PCDHA7: variants seen among roughly 807,000 people sequenced by gnomAD.
The protein encoded by PCDHA7 is protocadherin alpha 7, also known as protocadherin alpha-7.
In PCDHA7, 37 loss-of-function variants were observed where a neutral mutation model predicts 57.2. The ratio of observed to expected loss-of-function variants is 0.65; its 90% CI spans 0.50 to 0.85. PCDHA7 has a LOEUF of 0.85. Ranked by LOEUF, PCDHA7 falls within the 40% of genes least tolerant of loss-of-function variation. PCDHA7 has a pLI of 0.00. For synonymous variants in PCDHA7, 553 were observed against 558.8 expected (o/e 0.99, Z 0.15); for missense variants, 1,188 against 1,241.8 (o/e 0.96, Z 0.65).
intron 1 of PCDHA7, among the ~76,000 whole-genome samples, chr5:140,945,495 C>A (rs1585197828): frequency 6.6e-6 from 1 of 152,022 alleles, no homozygotes; most frequent in East Asian, 1.9e-4. Context: ...ATACCCAAAG[C>A]AATATTGAGC....
At chr5:140,985,739 CTTTTTTTTTT>C (rs11372071) in intron 3 of PCDHA7, among the ~76,000 whole-genome samples, 1 of 117,922 alleles carries the variant, frequency 8.5e-6, no homozygotes, top group African/African-American at 3.2e-5. Context: ...TGATGAATTC[CTTTTTTTTTT>C]TTTTTTTTTT....
At chr5:140,871,289 G>A (rs955449203) in intron 1 of PCDHA7, 1 of 1,613,792 alleles carries the variant, frequency 6.2e-7, no homozygotes, top group African/African-American at 1.3e-5. Context: ...CCCACTGAGG[G>A]CGCGTGCGCG....
At chr5:140,920,616 C>A (rs929240808) in intron 1 of PCDHA7, among the ~76,000 whole-genome samples, 1 of 152,012 alleles carries the variant, frequency 6.6e-6, no homozygotes, top group African/African-American at 2.4e-5. Flanking sequence ...GAGGCCGAGG[C>A]GGATGGATCA....
chr5:140,895,838 TCTCA>T (rs1554186667), intron 1 of PCDHA7, among the ~76,000 whole-genome samples: 2 of 152,136 alleles, frequency 1.3e-5, no homozygotes, highest in Admixed American at 1.3e-4. Context: ...TCAGACAAAG[TCTCA>T]CTCTTGTACC....
chr5:140,969,372 T>G, intron 1 of PCDHA7: 1 of 1,606,704 alleles, frequency 6.2e-7, no homozygotes, highest in Non-Finnish European at 8.5e-7. Context: ...ACTCATGCAT[T>G]TGTTACACAT....
At chr5:140,919,816 A>T (rs542185810) in intron 1 of PCDHA7, among the ~76,000 whole-genome samples, 22 of 152,358 alleles carry the variant, frequency 1.4e-4, no homozygotes, top group African/African-American at 5.3e-4. Flanking sequence ...GGCCTCAAAA[A>T]TATATGTCCA....
intron 3 of PCDHA7, 22 bp downstream of exon 3, chr5:140,982,585 ATTCT>A: frequency 6.2e-7 from 1 of 1,611,974 alleles, no homozygotes; most frequent in Non-Finnish European, 8.5e-7. Flanking sequence ...GGGTCTCTCC[ATTCT>A]TTCTTGGTTT....
chr5:140,935,765 A>G (rs1554210670), intron 1 of PCDHA7, among the ~76,000 whole-genome samples: 1 of 152,080 alleles, frequency 6.6e-6, no homozygotes, highest in Non-Finnish European at 1.5e-5. Flanking sequence ...ATTCTTCCCC[A>G]CTTTGAGTTT....
intron 1 of PCDHA7, among the ~76,000 whole-genome samples, chr5:140,946,711 T>C (rs1165441185): frequency 1.3e-5 from 2 of 150,618 alleles, no homozygotes; most frequent in African/African-American, 2.5e-5. Context: ...GAGGTCATTA[T>C]GTTTAGTTAA....
intron 1 of PCDHA7, chr5:140,862,442 C>A: frequency 2.8e-6 from 1 of 361,562 alleles, no homozygotes. Flanking sequence ...CGTTGGTACT[C>A]CACAGCGCCC....
intron 1 of PCDHA7, chr5:140,876,109 A>T: frequency 6.2e-7 from 1 of 1,613,946 alleles, no homozygotes; most frequent in Non-Finnish European, 8.5e-7. Context: ...TTTATTGCTG[A>T]TGGTAATCGA....
intron 1 of PCDHA7, chr5:140,928,716 C>T (rs555492959): frequency 3.1e-6 from 5 of 1,614,178 alleles, no homozygotes; most frequent in East Asian, 4.5e-5. Flanking sequence ...ACTCTAGTCT[C>T]TTTAGAATTT....
At chr5:140,867,674 T>C (rs1450203824) in intron 1 of PCDHA7, 1 of 152,128 alleles carries the variant, frequency 6.6e-6, no homozygotes, top group Non-Finnish European at 1.5e-5. Flanking sequence ...CTCTAAAATT[T>C]TGTTGCATCT....
At chr5:140,922,139 C>T (rs2080663133) in intron 1 of PCDHA7, among the ~76,000 whole-genome samples, 1 of 151,854 alleles carries the variant, frequency 6.6e-6, no homozygotes, top group South Asian at 2.1e-4. Flanking sequence ...TCTTATCCTC[C>T]ATGAAACTCA....
intron 3 of PCDHA7, among the ~76,000 whole-genome samples, chr5:140,994,545 A>T (rs1397619431): frequency 2.6e-5 from 4 of 152,074 alleles, no homozygotes; most frequent in African/African-American, 9.7e-5. Flanking sequence ...TCTACAAAAA[A>T]AATATAAAAA....
chr5:140,969,549 C>G (rs1213967618), intron 1 of PCDHA7: 33 of 1,238,058 alleles, frequency 2.7e-5, no homozygotes, highest in Non-Finnish European at 3.4e-5. Flanking sequence ...AGGCATGAAG[C>G]CTTGTCCATA....
intron 1 of PCDHA7, among the ~76,000 whole-genome samples, chr5:140,941,150 G>A (rs894422349): frequency 1.1e-4 from 17 of 151,436 alleles, no homozygotes; most frequent in Non-Finnish European, 1.8e-4. Context: ...TAGTTTGGAG[G>A]CCCCATAAGA....
chr5:140,964,167 C>G (rs370784169), intron 1 of PCDHA7, among the ~76,000 whole-genome samples: 1 of 152,134 alleles, frequency 6.6e-6, no homozygotes, highest in Non-Finnish European at 1.5e-5. Flanking sequence ...GTGTGAGGAA[C>G]GAAATCATTA....
chr5:140,994,988 A>G (rs781915746), intron 3 of PCDHA7, among the ~76,000 whole-genome samples: 3 of 152,166 alleles, frequency 2.0e-5, no homozygotes, highest in Non-Finnish European at 4.4e-5. Flanking sequence ...ACCCACTAGA[A>G]GGTTAGTTGG....
Sources: allele counts gnomAD v4.1 joint callset (sites outside exome capture counted in the v4.1 genomes callset), GRCh38; gene constraint gnomAD v4.1.1; transcripts MANE v1.5; gene names NCBI Gene and HGNC (gene_info 2026-07-23, HGNC 2026-07-21).